Variants in STUB1 observed in about 807,000 individuals in gnomAD.
STUB1 encodes the protein STIP1 homology and U-box containing protein 1.
In STUB1, 37 loss-of-function variants were observed where a neutral mutation model predicts 40.3. The ratio of observed to expected loss-of-function variants is 0.92; its 90% CI spans 0.71 to 1.21. The LOEUF is 1.21. Ranked by LOEUF, STUB1 falls within the 50% of genes most tolerant of loss-of-function variation. STUB1 has a pLI of 0.00. For missense variants in STUB1, 460 were observed against 421.9 expected (o/e 1.09, Z -0.79); for synonymous variants, 246 against 171.9 (o/e 1.43, Z -3.37).
rs1333506936 is a variant in STUB1, at chr16:680,652, C to T, written c.127C>T (p.Pro43Ser). ...TCGTCTGTTCGTGGGCCGAAAGTAC[C>T]CGGAGGCGGCGGCCTGCTACGGCCG... is the stretch of plus-strand genomic sequence containing the variant. ...GNRLFVGRKYPEAAACYGRAI... is the reference protein window; with the variant it reads ...GNRLFVGRKYSEAAACYGRAI... Residue 43 changes from proline to serine, a missense_variant, in exon 1 of 7, where the codon CCG becomes TCG. By Grantham distance (74) the Pro-to-Ser change is moderately conservative. Coordinates refer to ENST00000219548, the MANE Select transcript of STUB1 (RefSeq NM_005861.4). This position sits in a 1 kb window ranked among gnomAD's most constrained non-coding sequence, Gnocchi z 4.9. The T allele has an allele frequency of 4.6e-6, 6 of 1,318,482 alleles. No homozygotes were observed. The highest frequency in any genetic ancestry group is 3.2e-5 in the Admixed American group (1 of 31,230). 81.7% of individuals were successfully genotyped at this position (1,318,482 alleles called of 1,614,324 possible). A position where few individuals can be genotyped will look rare whatever the true frequency, so the allele number is the denominator to read the frequency against.
Position 682,574 on chromosome 16 carries a change from C to A in STUB1, c.*85C>A. ...CCTATACATAGTTTATGTTCCTGGCCACCCCGACCGCTTCCCCCAAGTTCT... is the reference window on the plus strand; with the variant it reads ...CCTATACATAGTTTATGTTCCTGGCAACCCCGACCGCTTCCCCCAAGTTCT... On this transcript the variant is annotated 3_prime_UTR_variant, in exon 7 of 7. Coordinates refer to ENST00000219548, the MANE Select transcript of STUB1 (RefSeq NM_005861.4). 1 of 1,569,850 alleles carries A rather than the reference C, an allele frequency of 6.4e-7. No homozygotes were observed. The highest frequency in any genetic ancestry group is 2.3e-5 in the East Asian group (1 of 44,376).
chr16:682,141 T>C, intron 5 of STUB1, 24 bp from the exon 6 acceptor site: 5 of 1,595,622 alleles, frequency 3.1e-6, no homozygotes, highest in Non-Finnish European at 4.3e-6. Context: ...TTTCAGCCTC[T>C]GACCGTGTGC....
chr16:681,676 C>G, intron 3 of STUB1, 73 bp downstream of exon 3: 2 of 1,561,998 alleles, frequency 1.3e-6, no homozygotes, highest in South Asian at 1.2e-5. Flanking sequence ...AAGCGTTTAT[C>G]GAAGGCTTTA....
In STUB1 at chr16:681,883, G is replaced by A. The variant is rs1038569329; in HGVS notation, c.612+3G>A. On this transcript the variant is annotated splice_donor_region_variant and intron_variant, in intron 4 of 6. Coordinates refer to ENST00000219548, the MANE Select transcript of STUB1 (RefSeq NM_005861.4). ...AGGCCTGCATTGAGGCCAAGCACGT[G>A]AGGGTGCCCCCCACCCACATGTGGG... 1.2e-6 allele frequency: 2 copies of A among 1,612,916 alleles called. No homozygotes were observed. The highest frequency in any genetic ancestry group is 1.7e-6 in the Non-Finnish European group (2 of 1,179,996).
In STUB1 at chr16:681,268, G is replaced by T. The variant is rs748347206; in HGVS notation, c.276G>T (p.Gln92His). The T allele has an allele frequency of 1.2e-6, 2 of 1,612,752 alleles. No individual in the cohort carries two copies. Among genetic ancestry groups the T allele is most frequent in the Admixed American group, 3.3e-5 (2 of 60,002 alleles). The change falls in exon 2 of 7, where the codon CAG becomes CAT. Residue 92 changes from glutamine (Q) to histidine (H), a missense_variant. By Grantham distance (24) the Gln-to-His change is conservative (BLOSUM62 0). Coordinates refer to ENST00000219548, the MANE Select transcript of STUB1 (RefSeq NM_005861.4). ...GGCGCGCCCTGGAGCTGGACGGGCAGTCTGTGAAGGCGCACTTCTTCCTGG... is the reference window on the plus strand; with the variant it reads ...GGCGCGCCCTGGAGCTGGACGGGCATTCTGTGAAGGCGCACTTCTTCCTGG... Reference protein sequence around the residue: ...DCRRALELDGQSVKAHFFLGQ... With the variant: ...DCRRALELDGHSVKAHFFLGQ...
Position 681,577 on chromosome 16 carries a change from C to G in STUB1, c.498C>G (p.Ser166=). 6.2e-7 allele frequency: 1 copy of G among 1,610,552 alleles called. No individual in the cohort carries two copies. The highest frequency in any genetic ancestry group is 8.5e-7 in the Non-Finnish European group (1 of 1,179,198). The change falls in exon 3 of 7, where the codon TCC becomes TCG. Residue 166 remains serine (S), a synonymous_variant. Coordinates refer to ENST00000219548, the MANE Select transcript of STUB1 (RefSeq NM_005861.4). ...AGAGCGAGCTGCACTCCTACCTCTC[C>G]AGGCTCATTGCCGCGGAGCGTGAGA... ...HQESELHSYL[S]RLIAAERERE...
chr16:681,886 G>A lies in STUB1; in HGVS notation c.612+6G>A, dbSNP rs774986164. 21 of 1,612,988 alleles carry A rather than the reference G, an allele frequency of 1.3e-5. No homozygotes were observed. Among genetic ancestry groups the A allele is most frequent in the Non-Finnish European group, 1.7e-5 (20 of 1,179,972 alleles). On this transcript the variant is annotated splice_donor_region_variant and intron_variant, in intron 4 of 6. Transcript: ENST00000219548. ...CCTGCATTGAGGCCAAGCACGTGAGGGTGCCCCCCACCCACATGTGGGTCT... is the reference window on the plus strand; with the variant it reads ...CCTGCATTGAGGCCAAGCACGTGAGAGTGCCCCCCACCCACATGTGGGTCT...
rs371134642 is a variant in STUB1 at position 682,007 on chromosome 16, C to T, written c.613-13C>T. ...GGGTGTCTCCCCCAAGCACAGCACT[C>T]AACTCTTCACAGGACAAGTACATGG... On this transcript the variant is annotated splice_polypyrimidine_tract_variant and intron_variant, in intron 4 of 6. Transcript: ENST00000219548. 14 of 1,608,426 alleles carry T rather than the reference C, an allele frequency of 8.7e-6. No individual in the cohort carries two copies. The highest frequency in any genetic ancestry group is 1.1e-5 in the Non-Finnish European group (13 of 1,176,142).
In STUB1 at chr16:682,671, C is replaced by A. The variant is rs1285169314; in HGVS notation, c.*182C>A. ...GGCCGTGATCGTCCCCCTTTGTGGG[C>A]TGGAAAAGCAGGTGAGGGTGGGCTG... On this transcript the variant is annotated 3_prime_UTR_variant, in exon 7 of 7. Transcript: ENST00000219548. The A allele has an allele frequency of 7.8e-6, 11 of 1,416,014 alleles. No homozygotes were observed. In the African/African-American group the frequency reaches 1.5e-4, roughly 20 times the overall value. 87.7% of individuals were successfully genotyped at this position (1,416,014 alleles called of 1,614,324 possible).
Position 681,444 on chromosome 16 carries a change from G to A in STUB1, c.365G>A (p.Ser122Asn), listed in dbSNP as rs373392008. ...TGAAGCCCCCGTTCCCCAGCTTACA[G>A]CCTGGCCAAGGAGCAGCGGCTGAAC... ...EAIANLQRAY[S>N]LAKEQRLNFG... Residue 122 changes from serine (S) to asparagine (N), a missense_variant, in exon 3 of 7, where the codon AGC (serine) becomes AAC (asparagine). Transcript: ENST00000219548. 3 of 1,611,574 alleles carry A rather than the reference G, an allele frequency of 1.9e-6. No individual in the cohort carries two copies. In the African/African-American group the frequency reaches 4.0e-5, roughly 22 times the overall value.
chr16:680,779 G>T lies in STUB1; in HGVS notation c.159+95G>T. 3.7e-6 allele frequency: 4 copies of T among 1,087,176 alleles called. No homozygotes were observed. Among genetic ancestry groups the T allele is most frequent in the Non-Finnish European group, 3.5e-6 (3 of 868,946 alleles). The allele number at this position is 1,087,176 out of a possible 1,614,324, so 67.3% of individuals were successfully genotyped here. ...CCCACCGAGGGTCTGGCTCCTCTTC[G>T]GGGCGTGTCCTCGGCTCCCAAAGCC... On this transcript the variant is annotated intron_variant, in intron 1 of 6. Coordinates refer to ENST00000219548, the MANE Select transcript of STUB1 (RefSeq NM_005861.4). This position sits in a 1 kb window ranked among gnomAD's most constrained non-coding sequence, Gnocchi z 4.9.
Position 682,223 on chromosome 16 carries a change from C to T in STUB1, c.728C>T (p.Pro243Leu), listed in dbSNP as rs751656037. The change falls in exon 6 of 7, where the codon CCG (proline) becomes CTG (leucine). Residue 243 changes from proline to leucine, a missense_variant. By Grantham distance (98) the Pro-to-Leu change is moderately conservative (BLOSUM62 -3). Coordinates refer to ENST00000219548, the MANE Select transcript of STUB1 (RefSeq NM_005861.4). The stretch of plus-strand genomic sequence containing the variant: ...ATCAGCTTTGAGCTGATGCGGGAGC[C>T]GTGCATCACGCCCAGTGGCATCACC... ...GKISFELMRE[P>L]CITPSGITYD... 7 of 1,612,940 alleles carry T rather than the reference C, an allele frequency of 4.3e-6. No homozygotes were observed. Among genetic ancestry groups the T allele is most frequent in the South Asian group, 1.1e-5 (1 of 91,090 alleles).
intron 5 of STUB1, 42 bp from the exon 6 acceptor site, chr16:682,123 G>T: frequency 6.3e-7 from 1 of 1,589,002 alleles, no homozygotes; most frequent in South Asian, 1.1e-5. Context: ...TGCTCGTGCA[G>T]TGCCCCTTTT....
At chr16:681,710 A>G (rs2039660452) in intron 3 of STUB1, 83 bp from the exon 4 acceptor site, 4 of 1,551,880 alleles carry the variant, frequency 2.6e-6, no homozygotes, top group Non-Finnish European at 3.5e-6. Context: ...AATGTGGGGA[A>G]GTGTGGATGT....
chr16:681,949 T>C, intron 4 of STUB1, 69 bp downstream of exon 4: 1 of 1,612,598 alleles, frequency 6.2e-7, no homozygotes, highest in South Asian at 1.1e-5. Context: ...CCCCGCCTTG[T>C]GTTGGGTCTG....
In STUB1 at chr16:681,166, G is replaced by A. The variant is rs1264174436; in HGVS notation, c.174G>A (p.Leu58=). The part of the protein sequence containing the change: ...CYGRAITRNP[L]VAVYYTNRAL... ...TTGGTCCCTAGACCCGGAACCCGCT[G>A]GTGGCCGTGTATTACACCAACCGGG... Residue 58 remains leucine (L), a synonymous_variant, in exon 2 of 7, where the codon CTG becomes CTA. Coordinates refer to ENST00000219548, the MANE Select transcript of STUB1 (RefSeq NM_005861.4). 1 of 1,566,580 alleles carries A rather than the reference G, an allele frequency of 6.4e-7. No homozygotes were observed. Among genetic ancestry groups the A allele is most frequent in the South Asian group, 1.2e-5 (1 of 85,880 alleles).
chr16:680,733 C>A lies in STUB1; in HGVS notation c.159+49C>A, dbSNP rs566112592. The stretch of plus-strand genomic sequence containing the variant: ...GCGGCGGCGGTGGCACCGGGGAGGG[C>A]CGGGCCCGGGCCCGGCCGGCCCCAC... On this transcript the variant is annotated intron_variant, in intron 1 of 6. Coordinates refer to ENST00000219548, the MANE Select transcript of STUB1 (RefSeq NM_005861.4). The surrounding 1 kb of genome is among the most constrained non-coding windows in gnomAD (Gnocchi z 4.9). The A allele has an allele frequency of 1.5e-4, 173 of 1,173,738 alleles. No homozygotes were observed. Among genetic ancestry groups the A allele is most frequent in the Admixed American group, 2.3e-4 (5 of 21,694 alleles). 72.7% of individuals were successfully genotyped at this position (1,173,738 alleles called of 1,614,324 possible). A position where few individuals can be genotyped will look rare whatever the true frequency, so the allele number is the denominator to read the frequency against.
rs569158766 is a variant in STUB1, at chr16:680,879, G to A, written c.159+195G>A. ...ATGCTGGATGGAGGCCGGCCGGGTG[G>A]GGGGAGGGCAGGGGCCCTCGACCCT... On this transcript the variant is annotated intron_variant, in intron 1 of 6. Coordinates refer to ENST00000219548, the MANE Select transcript of STUB1 (RefSeq NM_005861.4). The surrounding 1 kb of genome is among the most constrained non-coding windows in gnomAD (Gnocchi z 4.9). The A allele has an allele frequency of 1.7e-6, 1 of 603,966 alleles. No individual in the cohort carries two copies. The highest frequency in any genetic ancestry group is 2.6e-6 in the Non-Finnish European group (1 of 386,478). 37.4% of individuals were successfully genotyped at this position (603,966 alleles called of 1,614,324 possible).
Position 681,159 on chromosome 16 carries a change from AC to A in STUB1, c.170del (p.Pro57ArgfsTer15), listed in dbSNP as rs1330895931. ...CCCGGCCTTGGTCCCTAGACCCGGA[AC>A]CCGCTGGTGGCCGTGTATTACACCA... is the stretch of plus-strand genomic sequence containing the variant. ...AACYGRAITR[N>X]PLVAVYYTNR... On this transcript the variant is annotated frameshift_variant, in exon 2 of 7. Transcript: ENST00000219548. LOFTEE classifies it high-confidence loss of function. 6.4e-7 allele frequency: 1 copy of A among 1,560,040 alleles called. No homozygotes were observed. The highest frequency in any genetic ancestry group is 8.7e-7 in the Non-Finnish European group (1 of 1,152,714).
Sources: allele counts gnomAD v4.1 joint callset, GRCh38; gene constraint gnomAD v4.1.1; non-coding constraint Gnocchi (gnomAD v3.1); transcripts MANE v1.5; gene names NCBI Gene and HGNC (gene_info 2026-07-23, HGNC 2026-07-21).